The following CNGB3 variants were observed in gnomAD, a reference collection of about 807,000 sequenced individuals.
CNGB3 encodes cyclic nucleotide-gated channel beta-3.
In CNGB3, 86 loss-of-function variants were observed where a neutral mutation model predicts 92.8. That is an observed-to-expected ratio of 0.93 (90% CI 0.78 to 1.11). The LOEUF is 1.11. Ranked by LOEUF, CNGB3 falls within the 50% of genes least tolerant of loss-of-function variation. The probability of loss-of-function intolerance (pLI) is 0.00; values close to 1 mark genes in which losing one functional copy is unlikely to be tolerated. For synonymous variants in CNGB3, 333 were observed against 332.7 expected (o/e 1.00, Z -0.01); for missense variants, 1,026 against 956.8 (o/e 1.07, Z -0.95).
chr8:86,714,876 C>A (rs1824820904), intron 3 of CNGB3, among the ~76,000 whole-genome samples: 1 of 152,064 alleles, frequency 6.6e-6, no homozygotes, highest in South Asian at 2.1e-4. Flanking sequence ...CTGCTTTCCC[C>A]CACTTCCCTG....
At chr8:86,738,777 C>T (rs1210375512) in intron 2 of CNGB3, among the ~76,000 whole-genome samples, 2 of 146,918 alleles carry the variant, frequency 1.4e-5, no homozygotes, top group Non-Finnish European at 3.0e-5. Flanking sequence ...GGAGGTGGAG[C>T]TTGCAGTGAG....
At chr8:86,669,861 ATT>A (rs573701899) in intron 4 of CNGB3, among the ~76,000 whole-genome samples, 1 of 147,218 alleles carries the variant, frequency 6.8e-6, no homozygotes. Flanking sequence ...TATCATATTG[ATT>A]TTTTTTTTTT....
In CNGB3 at chr8:86,621,007, C is replaced by A. The variant is rs1271580591; in HGVS notation, c.1578+4976G>T. Among the ~76,000 whole-genome samples the A allele has an allele frequency of 1.8e-4, 27 of 152,052 alleles. 1 individual carries two copies. The highest frequency in any genetic ancestry group is 1.8e-3 in the Admixed American group (27 of 15,264). On this transcript the variant is annotated intron_variant, in intron 13 of 17. Coordinates refer to ENST00000320005, the MANE Select transcript of CNGB3 (RefSeq NM_019098.5). ...CAGGAAAGAATGAATCTAAGTTATA[C>A]ACAACATTAGCAAGATGTGAAGATT...
chr8:86,653,240 C>T (rs967201181), intron 7 of CNGB3, among the ~76,000 whole-genome samples: 7 of 151,886 alleles, frequency 4.6e-5, no homozygotes, highest in African/African-American at 1.7e-4. Context: ...TATTTATCCT[C>T]TTTGTAGAAT....
chr8:86,738,516 CG>C (rs1456350369), intron 2 of CNGB3, among the ~76,000 whole-genome samples: 1 of 152,058 alleles, frequency 6.6e-6, no homozygotes, highest in African/African-American at 2.4e-5. Flanking sequence ...AATAAGGGCC[CG>C]AGCCAGGATG....
intron 4 of CNGB3, among the ~76,000 whole-genome samples, chr8:86,669,544 C>A (rs1336831842): frequency 6.6e-6 from 1 of 152,154 alleles, no homozygotes; most frequent in African/African-American, 2.4e-5. Context: ...TGGTTTGGTG[C>A]TTCTTTACCC....
At chr8:86,705,925 T>C (rs149886077) in intron 3 of CNGB3, among the ~76,000 whole-genome samples, 44 of 152,280 alleles carry the variant, frequency 2.9e-4, no homozygotes, top group South Asian at 6.2e-4. Context: ...ACAGAAACTT[T>C]TTGCTGCTGC....
At chr8:86,689,511 T>A (rs559563157) in intron 3 of CNGB3, among the ~76,000 whole-genome samples, 191 of 150,434 alleles carry the variant, frequency 1.3e-3, no homozygotes, top group Admixed American at 1.7e-3. Flanking sequence ...ATATATATAT[T>A]TTTTTTACTT....
At chr8:86,644,029 T>G (rs888412856) in intron 9 of CNGB3, among the ~76,000 whole-genome samples, 156 bp from the exon 10 acceptor site, 1 of 150,892 alleles carries the variant, frequency 6.6e-6, no homozygotes, top group Non-Finnish European at 1.5e-5. Flanking sequence ...ATGGTGCCAT[T>G]GCATGTTTTC....
At chr8:86,669,477 A>G (rs979790405) in intron 4 of CNGB3, among the ~76,000 whole-genome samples, 2 of 152,220 alleles carry the variant, frequency 1.3e-5, no homozygotes, top group African/African-American at 2.4e-5. Flanking sequence ...CATACTTTGG[A>G]GCATTAATAA....
intron 17 of CNGB3, among the ~76,000 whole-genome samples, chr8:86,576,876 A>T (rs1157291358): frequency 1.2e-4 from 19 of 152,244 alleles, no homozygotes; most frequent in Admixed American, 1.2e-3. Context: ...CATTTGGTTT[A>T]TACTGGATCC....
At chr8:86,732,181 T>G (rs1253191292) in intron 2 of CNGB3, among the ~76,000 whole-genome samples, 1 of 152,178 alleles carries the variant, frequency 6.6e-6, no homozygotes, top group Non-Finnish European at 1.5e-5. Context: ...CTGTTCTCTA[T>G]TCAATATTTA....
Position 86,702,560 on chromosome 8 carries a change from T to C in CNGB3, c.338+23971A>G, listed in dbSNP as rs77394915. On this transcript the variant is annotated intron_variant, in intron 3 of 17. Transcript: ENST00000320005. ...TTCTAAGAATCCTGATACCTACTCA[T>C]TGGTTTTCTAAAGAAGTATCATTAA... Among the ~76,000 whole-genome samples the C allele has an allele frequency of 9.1e-3, 1,389 of 152,258 alleles. 29 individuals are homozygous for C. The highest frequency in any genetic ancestry group is 0.032 in the African/African-American group (1,327 of 41,558).
At chr8:86,652,258 T>C (rs1211775816) in intron 7 of CNGB3, among the ~76,000 whole-genome samples, 1 of 152,008 alleles carries the variant, frequency 6.6e-6, no homozygotes, top group Non-Finnish European at 1.5e-5. Flanking sequence ...TTACCATGAA[T>C]GGAGCTTGCA....
chr8:86,691,785 T>C (rs1824322191), intron 3 of CNGB3, among the ~76,000 whole-genome samples: 1 of 152,340 alleles, frequency 6.6e-6, no homozygotes, highest in South Asian at 2.1e-4. Context: ...TGGTTTGTTT[T>C]TGTTTCTCTA....
At chr8:86,700,037 CT>C (rs1180942373) in intron 3 of CNGB3, among the ~76,000 whole-genome samples, 1 of 152,096 alleles carries the variant, frequency 6.6e-6, no homozygotes, top group Non-Finnish European at 1.5e-5. Flanking sequence ...TGTTCAATTT[CT>C]TGTTTGAGTA....
At chr8:86,734,087 G>T (rs896135960) in intron 2 of CNGB3, among the ~76,000 whole-genome samples, 6 of 152,092 alleles carry the variant, frequency 3.9e-5, no homozygotes, top group African/African-American at 1.2e-4. Context: ...GCCCAGGCTG[G>T]TCTCAGGAAA....
chr8:86,714,651 C>A (rs1824814768), intron 3 of CNGB3, among the ~76,000 whole-genome samples: 3 of 152,218 alleles, frequency 2.0e-5, no homozygotes, highest in Admixed American at 6.5e-5. Flanking sequence ...AATCCACAGA[C>A]CCTTTGAAGG....
rs1057516504 is a variant in CNGB3 at position 86,611,672 on chromosome 8, C to T, written c.1579-1G>A. ...CATAAATCATCTGTGTATCACAACC[C>T]TATATAAAAAGAAAAATAATTCTTA... On this transcript the variant is annotated splice_acceptor_variant, in intron 13 of 17. Transcript: ENST00000320005. LOFTEE classifies it high-confidence loss of function. 6.2e-7 allele frequency: 1 copy of T among 1,603,876 alleles called. No homozygotes were observed. Among genetic ancestry groups the T allele is most frequent in the Non-Finnish European group, 8.5e-7 (1 of 1,171,270 alleles).
Sources: allele counts gnomAD v4.1 joint callset (sites outside exome capture counted in the v4.1 genomes callset), GRCh38; gene constraint gnomAD v4.1.1; transcripts MANE v1.5; gene names NCBI Gene and HGNC (gene_info 2026-07-23, HGNC 2026-07-21).